KSR2: variants seen among roughly 807,000 people sequenced by gnomAD.
The protein encoded by KSR2 is kinase suppressor of ras 2.
KSR2 carries 25 observed loss-of-function variants against 107.8 expected under a neutral mutation model. The ratio of observed to expected loss-of-function variants is 0.23; its 90% confidence interval spans 0.17 to 0.32. KSR2 has a LOEUF of 0.32. Ranked by LOEUF, KSR2 falls within the 10% of genes least tolerant of loss-of-function variation. KSR2 has a pLI of 1.00. For synonymous variants in KSR2, 480 were observed against 507.0 expected (o/e 0.95, Z 0.71); for missense variants, 887 against 1,268.9 (o/e 0.70, Z 4.57).
intron 10 of KSR2, among the ~76,000 whole-genome samples, chr12:117,532,129 C>T (rs117329218): frequency 5.9e-5 from 9 of 152,310 alleles, no homozygotes; most frequent in East Asian, 1.9e-4. Context: ...TTTTCTGCAA[C>T]GAGCATCGTA....
At chr12:117,671,700 T>C (rs113974990) in intron 4 of KSR2, among the ~76,000 whole-genome samples, 2,894 of 152,344 alleles carry the variant, frequency 0.019, 90 homozygotes, top group African/African-American at 0.066. Flanking sequence ...AACTTTTCAG[T>C]GGGCTTGAAA....
chr12:117,548,485 A>T (rs1172132543), intron 9 of KSR2, among the ~76,000 whole-genome samples: 1 of 152,218 alleles, frequency 6.6e-6, no homozygotes, highest in African/African-American at 2.4e-5. Context: ...TTATTGTAAG[A>T]ATATGGCATA....
At chr12:117,691,052 A>G (rs906356977) in intron 4 of KSR2, among the ~76,000 whole-genome samples, 2 of 152,300 alleles carry the variant, frequency 1.3e-5, no homozygotes, top group South Asian at 2.1e-4. Flanking sequence ...ACTCTCAAAC[A>G]CAGGGACAGG....
At chr12:117,585,620 A>G (rs1254529820) in intron 5 of KSR2, among the ~76,000 whole-genome samples, 1 of 151,454 alleles carries the variant, frequency 6.6e-6, no homozygotes, top group Non-Finnish European at 1.5e-5. Context: ...GCCTTAAAGC[A>G]ATGGAAAACT....
intron 3 of KSR2, among the ~76,000 whole-genome samples, chr12:117,766,230 A>C (rs1036548694): frequency 6.6e-6 from 1 of 152,362 alleles, no homozygotes; most frequent in African/African-American, 2.4e-5. Flanking sequence ...TAAAAAGGGA[A>C]GAAGTACTGA....
intron 14 of KSR2, among the ~76,000 whole-genome samples, chr12:117,490,941 A>C (rs745312557): frequency 3.3e-5 from 5 of 152,174 alleles, no homozygotes; most frequent in Non-Finnish European, 7.3e-5. Context: ...GAACACTTAA[A>C]ATCTACTCCC....
At chr12:117,662,102 G>A (rs1351519836) in intron 5 of KSR2, among the ~76,000 whole-genome samples, 1 of 152,112 alleles carries the variant, frequency 6.6e-6, no homozygotes, top group African/African-American at 2.4e-5. Context: ...GGGAAGAGGA[G>A]ATACCAGCAC....
At chr12:117,824,068 C>T (rs1234690208) in intron 3 of KSR2, among the ~76,000 whole-genome samples, 1 of 152,060 alleles carries the variant, frequency 6.6e-6, no homozygotes, top group Non-Finnish European at 1.5e-5. Flanking sequence ...ATTATTCAGC[C>T]ATAAAAAGGA....
intron 4 of KSR2, among the ~76,000 whole-genome samples, chr12:117,696,814 G>T (rs554403299): frequency 6.6e-6 from 1 of 152,252 alleles, no homozygotes; most frequent in Non-Finnish European, 1.5e-5. Flanking sequence ...TTTCTAGGAA[G>T]TCACCTTGGA....
At position 117,907,037 on chromosome 12, in the gene KSR2, G is replaced by A. The variant is rs993443422; in HGVS notation, c.181-46606C>T. ...CCTGTCCAAAAAGATCCAAAACTCT[G>A]TATCTCTAACAAGTGCTTGTGTGAT... On this transcript the variant is annotated intron_variant, in intron 1 of 19. Transcript: ENST00000339824. The surrounding 1 kb of genome is among the most constrained non-coding windows in gnomAD (Gnocchi z 4.3). Among the ~76,000 whole-genome samples, 10 of 152,112 alleles carry A rather than the reference G, an allele frequency of 6.6e-5. No homozygotes were observed.
intron 7 of KSR2, among the ~76,000 whole-genome samples, chr12:117,566,476 A>G (rs1434714257): frequency 6.6e-6 from 1 of 152,178 alleles, no homozygotes; most frequent in Non-Finnish European, 1.5e-5. Flanking sequence ...TATAAGTGAG[A>G]ACATGTGGTA....
At chr12:117,544,725 T>A (rs1434475254) in intron 9 of KSR2, among the ~76,000 whole-genome samples, 2 of 152,244 alleles carry the variant, frequency 1.3e-5, no homozygotes, top group South Asian at 4.1e-4. Flanking sequence ...ATATATTCTT[T>A]GGGATTTTTG....
chr12:117,696,010 G>A (rs61937694), intron 4 of KSR2, among the ~76,000 whole-genome samples: 42,852 of 152,092 alleles, frequency 0.28, 6,159 homozygotes, highest in Admixed American at 0.31. Context: ...GCTGAGGCTG[G>A]TTCCCTTCTA....
chr12:117,789,620 A>G (rs1451556207), intron 3 of KSR2, among the ~76,000 whole-genome samples: 6 of 152,210 alleles, frequency 3.9e-5, no homozygotes, highest in Non-Finnish European at 8.8e-5. Context: ...CTTTTTCTTA[A>G]TATGACTCTT....
chr12:117,467,935 T>TTC (rs1555269511), intron 19 of KSR2: 7 of 358,776 alleles, frequency 2.0e-5, no homozygotes, highest in Admixed American at 1.6e-4. Flanking sequence ...TTTTTTTTTT[T>TTC]CCAGCCCAAC....
intron 5 of KSR2, among the ~76,000 whole-genome samples, chr12:117,655,164 G>C (rs959353424): frequency 1.3e-5 from 2 of 152,202 alleles, no homozygotes; most frequent in African/African-American, 4.8e-5. Context: ...CTCCAGATAT[G>C]GGTTTGCCTC....
chr12:117,480,346 G>A (rs1181779893), intron 16 of KSR2, among the ~76,000 whole-genome samples: 1 of 152,134 alleles, frequency 6.6e-6, no homozygotes, highest in African/African-American at 2.4e-5. Flanking sequence ...TAGGGGGCTG[G>A]GAGACAGGCC....
intron 1 of KSR2, among the ~76,000 whole-genome samples, chr12:117,966,917 A>T (rs1162208976): frequency 6.6e-6 from 1 of 152,130 alleles, no homozygotes; most frequent in Non-Finnish European, 1.5e-5. Flanking sequence ...AGTACTGCTC[A>T]TGCCCACTCC....
intron 3 of KSR2, among the ~76,000 whole-genome samples, chr12:117,853,079 A>C (rs1409520449): frequency 1.1e-4 from 17 of 152,174 alleles, no homozygotes; most frequent in Non-Finnish European, 2.5e-4. Flanking sequence ...CTGGGATTAT[A>C]GGTGTGAGCC....
Sources: gnomAD v4.1 joint callset for allele counts (sites outside exome capture counted in the v4.1 genomes callset) on GRCh38, gnomAD v4.1.1 for gene constraint, Gnocchi (gnomAD v3.1) non-coding constraint, MANE v1.5 for transcripts, NCBI Gene and HGNC (gene_info 2026-07-23, HGNC 2026-07-21) for gene names.